NALF1: variants seen among roughly 807,000 people sequenced by gnomAD.
The protein encoded by NALF1 is NALCN channel auxiliary factor 1.
Under a neutral mutation model 48.4 loss-of-function variants are expected in NALF1, and 3 were observed. That is an observed-to-expected ratio of 0.06 (90% CI 0.03 to 0.16). The LOEUF is 0.16. Ranked by LOEUF, NALF1 falls within the 10% of genes least tolerant of loss-of-function variation. NALF1 has a pLI of 1.00. For missense variants in NALF1, 526 were observed against 571.5 expected, an observed-to-expected ratio of 0.92 and a Z score of 0.81; for synonymous variants, 262 against 245.7, an observed-to-expected ratio of 1.07 and a Z score of -0.62.
At chr13:107,286,786 A>G (rs1446278094) in intron 1 of NALF1, among the ~76,000 whole-genome samples, 1 of 152,192 alleles carries the variant, frequency 6.6e-6, no homozygotes, top group African/African-American at 2.4e-5. Context: ...TCTAAGTAAA[A>G]GAAGACAGAT....
intron 1 of NALF1, among the ~76,000 whole-genome samples, chr13:107,388,760 C>T (rs1406799194): frequency 6.6e-6 from 1 of 151,918 alleles, no homozygotes; most frequent in Non-Finnish European, 1.5e-5. Flanking sequence ...TGTGGGGGAG[C>T]CTAGAAAGGG....
rs1180821319 is a variant in NALF1, at chr13:107,865,996, C to T, written c.601G>A (p.Gly201Arg). 1.9e-6 allele frequency: 3 copies of T among 1,612,196 alleles called. No individual in the cohort carries two copies. The highest frequency in any genetic ancestry group is 2.5e-6 in the Non-Finnish European group (3 of 1,179,932). The change falls in exon 1 of 3, where the codon GGG (glycine) becomes AGG (arginine). Residue 201 changes from glycine to arginine, a missense_variant. Around this residue, in one of 2 missense-constraint regions of NALF1, gnomAD observed 373 missense variants for 355.5 expected, o/e 1.05. Transcript: ENST00000375915. ...CTCCTCACCTCCTGCCCGTCCCCCC[C>T]GGCCGCCCCCCGACTCCAGTTCCTG... is the stretch of plus-strand genomic sequence containing the variant. Reference protein sequence around the residue: ...CARNWSRGAAGGDGQEVRSKH... With the variant: ...CARNWSRGAARGDGQEVRSKH...
At chr13:107,701,138 T>C (rs1249317755) in intron 1 of NALF1, among the ~76,000 whole-genome samples, 1 of 152,152 alleles carries the variant, frequency 6.6e-6, no homozygotes, top group Non-Finnish European at 1.5e-5. Context: ...TTGGGGTGCA[T>C]ACCCAAAGGA....
chr13:107,445,949 T>G (rs1032319732), intron 1 of NALF1, among the ~76,000 whole-genome samples: 2 of 149,914 alleles, frequency 1.3e-5, no homozygotes, highest in African/African-American at 4.9e-5. Flanking sequence ...TGGGACAGAT[T>G]TTTTTTTTTA....
At chr13:107,509,548 T>TCACA (rs1169739717) in intron 1 of NALF1, among the ~76,000 whole-genome samples, 9 of 152,164 alleles carry the variant, frequency 5.9e-5, no homozygotes, top group South Asian at 4.1e-4. Flanking sequence ...TGTAGGTACT[T>TCACA]CACACAATGT....
chr13:107,713,220 A>AACATTTC (rs1181015893), intron 1 of NALF1, among the ~76,000 whole-genome samples: 2 of 152,228 alleles, frequency 1.3e-5, no homozygotes, highest in African/African-American at 4.8e-5. Context: ...CAGTAAGTAG[A>AACATTTC]ACATTTCACA....
intron 1 of NALF1, among the ~76,000 whole-genome samples, chr13:107,693,333 G>A (rs1411487807): frequency 9.5e-6 from 1 of 105,010 alleles, no homozygotes; most frequent in East Asian, 3.7e-4. Context: ...TAGGGTAGGG[G>A]GGGCGGGAGG....
chr13:107,412,016 A>G (rs1884000856), intron 1 of NALF1, among the ~76,000 whole-genome samples: 1 of 152,128 alleles, frequency 6.6e-6, no homozygotes, highest in Non-Finnish European at 1.5e-5. Flanking sequence ...AATGAAACCC[A>G]CTGGCATGAT....
At position 107,635,254 on chromosome 13, in the gene NALF1, T is replaced by G. The variant is rs556820199; in HGVS notation, c.915+230428A>C. 1.1e-4 allele frequency among the ~76,000 whole-genome samples: 17 copies of G among 152,206 alleles called. No homozygotes were observed. In the South Asian group the frequency reaches 3.5e-3, roughly 32 times the overall value. ...ATTTATAAAGGAAAGGGGTTTAATTTACTCACAGTTCCTCATGGCTCGGGA... is the reference window on the plus strand; with the variant it reads ...ATTTATAAAGGAAAGGGGTTTAATTGACTCACAGTTCCTCATGGCTCGGGA... On this transcript the variant is annotated intron_variant, in intron 1 of 2. Coordinates refer to ENST00000375915, the MANE Select transcript of NALF1 (RefSeq NM_001080396.3).
chr13:107,843,017 T>A (rs1320637523), intron 1 of NALF1, among the ~76,000 whole-genome samples: 1 of 152,174 alleles, frequency 6.6e-6, no homozygotes, highest in Admixed American at 6.6e-5. Flanking sequence ...ATGTGCATAT[T>A]ATCCAGGCCA....
chr13:107,171,009 A>G (rs1280181436), intron 2 of NALF1, among the ~76,000 whole-genome samples: 1 of 152,238 alleles, frequency 6.6e-6, no homozygotes, highest in African/African-American at 2.4e-5. Flanking sequence ...TGCCAGTCAT[A>G]CCATGAAAGT....
At chr13:107,800,333 T>A (rs1594276040) in intron 1 of NALF1, among the ~76,000 whole-genome samples, 1 of 152,196 alleles carries the variant, frequency 6.6e-6, no homozygotes, top group East Asian at 1.9e-4. Flanking sequence ...AATGATTTTA[T>A]CGTATTTTTA....
rs200045635 is a variant in NALF1 at position 107,269,166 on chromosome 13, TA to T, written c.916-58412del. Among the ~76,000 whole-genome samples the T allele has an allele frequency of 3.9e-3, 563 of 142,978 alleles. 2 individuals are homozygous for T. Among genetic ancestry groups the T allele is most frequent in the African/African-American group, 8.4e-3 (323 of 38,524 alleles). 93.8% of individuals were successfully genotyped at this position (142,978 alleles called of 152,430 possible). ...GACACAGTGAGACCCTGTCTATGTTTAAAAAAAAAAAAAGAATTTAAAAAAA... is the reference window on the plus strand; with the variant it reads ...GACACAGTGAGACCCTGTCTATGTTTAAAAAAAAAAAAGAATTTAAAAAAA... On this transcript the variant is annotated intron_variant, in intron 1 of 2. Coordinates refer to ENST00000375915, the MANE Select transcript of NALF1 (RefSeq NM_001080396.3).
At chr13:107,562,037 T>C (rs1420183062) in intron 1 of NALF1, among the ~76,000 whole-genome samples, 1 of 152,240 alleles carries the variant, frequency 6.6e-6, no homozygotes, top group Admixed American at 6.5e-5. Context: ...ACTGTATTCC[T>C]AATGTATAAC....
chr13:107,223,635 AAAACATTTTCAAGGACAGT>A (rs1317612480), intron 1 of NALF1, among the ~76,000 whole-genome samples: 1 of 152,176 alleles, frequency 6.6e-6, no homozygotes, highest in Non-Finnish European at 1.5e-5. Context: ...ATTCCTCCCT[AAAACATTTTCAAGGACAGT>A]TTCTCGTTGG....
chr13:107,507,594 TAAAAAAAAAAA>T (rs548709767), intron 1 of NALF1, among the ~76,000 whole-genome samples: 62 of 86,406 alleles, frequency 7.2e-4, no homozygotes, highest in Middle Eastern at 7.2e-3. Context: ...TATTCTCCAT[TAAAAAAAAAAA>T]AAAAAAAAAA....
chr13:107,685,890 C>T (rs945527721), intron 1 of NALF1, among the ~76,000 whole-genome samples: 15 of 152,146 alleles, frequency 9.9e-5, no homozygotes, highest in African/African-American at 2.4e-4. Context: ...CTCGGTGTTC[C>T]GTGGTGTGTA....
rs146328838 is a variant in NALF1, at chr13:107,639,642, A to G, written c.915+226040T>C. On this transcript the variant is annotated intron_variant, in intron 1 of 2. Coordinates refer to ENST00000375915, the MANE Select transcript of NALF1 (RefSeq NM_001080396.3). ...ATGTATGCTCTCCTTCTCAGACCCCAGGCTTCTTCAGGACACAGGTTTGGG... is the reference window on the plus strand; with the variant it reads ...ATGTATGCTCTCCTTCTCAGACCCCGGGCTTCTTCAGGACACAGGTTTGGG... Among the ~76,000 whole-genome samples, 254 of 150,746 alleles carry G rather than the reference A, an allele frequency of 1.7e-3. 2 individuals carry two copies. Among genetic ancestry groups the G allele is most frequent in the Admixed American group, 5.0e-3 (75 of 15,052 alleles).
At chr13:107,303,104 C>A (rs1275336503) in intron 1 of NALF1, among the ~76,000 whole-genome samples, 1 of 151,944 alleles carries the variant, frequency 6.6e-6, no homozygotes, top group Non-Finnish European at 1.5e-5. Flanking sequence ...TGAAGTGGTG[C>A]CTCACTGTCA....
Sources: gnomAD v4.1 joint callset for allele counts (sites outside exome capture counted in the v4.1 genomes callset) on GRCh38, gnomAD v4.1.1 for gene constraint, gnomAD v4.1.1 regional missense constraint, MANE v1.5 for transcripts, NCBI Gene and HGNC (gene_info 2026-07-23, HGNC 2026-07-21) for gene names.